PEBP4: variants seen among roughly 807,000 people sequenced by gnomAD.
The protein encoded by PEBP4 is phosphatidylethanolamine binding protein 4.
In PEBP4, 22 loss-of-function variants were observed where a neutral mutation model predicts 23.9. The ratio of observed to expected loss-of-function variants is 0.92; its 90% CI spans 0.66 to 1.31. The LOEUF is 1.31. Ranked by LOEUF, PEBP4 falls within the 40% of genes most tolerant of loss-of-function variation. PEBP4 has a pLI of 0.00. For synonymous variants in PEBP4, 112 were observed against 99.3 expected (o/e 1.13, Z -0.76); for missense variants, 324 against 281.7 (o/e 1.15, Z -1.07).
At chr8:22,846,978 G>A (rs375065609) in intron 3 of PEBP4, among the ~76,000 whole-genome samples, 20 of 152,156 alleles carry the variant, frequency 1.3e-4, no homozygotes, top group African/African-American at 4.6e-4. Context: ...CCTGGGCAAC[G>A]CAGGGAGACC....
At chr8:22,774,382 A>G (rs1443269361) in intron 4 of PEBP4, among the ~76,000 whole-genome samples, 1 of 152,226 alleles carries the variant, frequency 6.6e-6, no homozygotes, top group Non-Finnish European at 1.5e-5. Context: ...GTTTAACCCA[A>G]AGAAATGAGT....
At chr8:22,791,571 C>T (rs1026053476) in intron 4 of PEBP4, among the ~76,000 whole-genome samples, 13 of 151,828 alleles carry the variant, frequency 8.6e-5, no homozygotes, top group East Asian at 1.9e-4. Flanking sequence ...CTTGTGTGTG[C>T]GCGCACACGC....
At position 22,819,808 on chromosome 8, in the gene PEBP4, G is replaced by A. The variant is rs534537256; in HGVS notation, c.259-2073C>T. Reference sequence around the variant, plus strand: ...TTTTTAGTAGAGACGGGGTTTCACCGTGTTAGCCAGGATGGTCTCGATCTC... The same window carrying A: ...TTTTTAGTAGAGACGGGGTTTCACCATGTTAGCCAGGATGGTCTCGATCTC... On this transcript the variant is annotated intron_variant, in intron 3 of 6. Coordinates refer to ENST00000256404, the MANE Select transcript of PEBP4 (RefSeq NM_144962.3). Among the ~76,000 whole-genome samples the A allele has an allele frequency of 5.3e-5, 8 of 152,098 alleles. No homozygotes were observed. In the South Asian group the frequency reaches 1.0e-3, roughly 20 times the overall value.
At chr8:22,729,887 A>G (rs1402095409) in intron 4 of PEBP4, among the ~76,000 whole-genome samples, 1 of 152,170 alleles carries the variant, frequency 6.6e-6, no homozygotes, top group Non-Finnish European at 1.5e-5. Context: ...ACCTTTCCTC[A>G]TTGGTCAGTC....
chr8:22,761,917 C>G (rs1805515313), intron 4 of PEBP4, among the ~76,000 whole-genome samples: 1 of 152,036 alleles, frequency 6.6e-6, no homozygotes, highest in Non-Finnish European at 1.5e-5. Context: ...TAGTTTTAAG[C>G]TGGATGCATT....
intron 3 of PEBP4, among the ~76,000 whole-genome samples, chr8:22,862,766 G>A (rs1807804533): frequency 6.6e-6 from 1 of 151,594 alleles, no homozygotes; most frequent in South Asian, 2.1e-4. Context: ...AGGTACTGAG[G>A]TGTGAGCCCA....
chr8:22,785,878 C>G (rs572455756), intron 4 of PEBP4, among the ~76,000 whole-genome samples: 1 of 152,340 alleles, frequency 6.6e-6, no homozygotes, highest in Admixed American at 6.5e-5. Context: ...CGGGGCTACT[C>G]TAAAGAATGC....
chr8:22,849,523 A>AT (rs2128766994), intron 3 of PEBP4, among the ~76,000 whole-genome samples: 1 of 151,744 alleles, frequency 6.6e-6, no homozygotes, highest in South Asian at 2.1e-4. Context: ...TTTGCTAATG[A>AT]TAACACACCA....
chr8:22,822,870 A>G (rs772980082), intron 3 of PEBP4, among the ~76,000 whole-genome samples: 1 of 152,058 alleles, frequency 6.6e-6, no homozygotes, highest in Non-Finnish European at 1.5e-5. Flanking sequence ...ATGTCAATAA[A>G]CCTTCAATTA....
chr8:22,766,544 G>A (rs1480630187), intron 4 of PEBP4, among the ~76,000 whole-genome samples: 1 of 152,226 alleles, frequency 6.6e-6, no homozygotes, highest in African/African-American at 2.4e-5. Flanking sequence ...TTCAGGGACA[G>A]GAACACCTGT....
chr8:22,748,212 G>C (rs1327807055), intron 4 of PEBP4, among the ~76,000 whole-genome samples: 1 of 152,130 alleles, frequency 6.6e-6, no homozygotes, highest in Non-Finnish European at 1.5e-5. Context: ...CCAAGAGGGG[G>C]CTGCGCTCAG....
intron 6 of PEBP4, among the ~76,000 whole-genome samples, chr8:22,723,626 T>C (rs1227171057): frequency 6.6e-6 from 1 of 152,242 alleles, no homozygotes; most frequent in Non-Finnish European, 1.5e-5. Context: ...TTTCTTGGTC[T>C]GGGCAAGATA....
intron 3 of PEBP4, among the ~76,000 whole-genome samples, chr8:22,826,442 T>C (rs1806970168): frequency 6.6e-6 from 1 of 152,258 alleles, no homozygotes; most frequent in South Asian, 2.1e-4. Flanking sequence ...ATGACTTGTA[T>C]ATAAGGTTAT....
At chr8:22,905,284 T>TAA (rs566107670) in intron 3 of PEBP4, among the ~76,000 whole-genome samples, 23 of 147,964 alleles carry the variant, frequency 1.6e-4, no homozygotes, top group East Asian at 7.8e-4. Flanking sequence ...CCTTTTTTTT[T>TAA]AAAAAAAAAA....
At chr8:22,785,283 T>C (rs1031531506) in intron 4 of PEBP4, among the ~76,000 whole-genome samples, 4 of 152,164 alleles carry the variant, frequency 2.6e-5, no homozygotes, top group Non-Finnish European at 4.4e-5. Context: ...CAACCAAGGA[T>C]ACTAGAACCG....
chr8:22,830,941 C>T (rs1807072833), intron 3 of PEBP4, among the ~76,000 whole-genome samples: 1 of 152,212 alleles, frequency 6.6e-6, no homozygotes, highest in Non-Finnish European at 1.5e-5. Context: ...TGCTTAAAAT[C>T]CTTCTCTGGC....
intron 3 of PEBP4, among the ~76,000 whole-genome samples, chr8:22,872,569 G>A (rs2457436): frequency 0.24 from 35,857 of 152,186 alleles, 4,972 homozygotes; most frequent in Middle Eastern, 0.37. Context: ...TGAAGAGGCA[G>A]AAAAGTGATC....
intron 4 of PEBP4, among the ~76,000 whole-genome samples, chr8:22,816,523 T>C (rs776734023): frequency 4.5e-4 from 69 of 152,228 alleles, no homozygotes; most frequent in Admixed American, 1.8e-3. Flanking sequence ...CATAAACTCT[T>C]CATAGTTGCA....
chr8:22,903,546 G>A (rs188046916), intron 3 of PEBP4, among the ~76,000 whole-genome samples: 1 of 152,304 alleles, frequency 6.6e-6, no homozygotes, highest in East Asian at 1.9e-4. Flanking sequence ...AGGGGAGGGA[G>A]TGCGTGAAGG....
Sources: allele counts gnomAD v4.1 joint callset (sites outside exome capture counted in the v4.1 genomes callset), GRCh38; gene constraint gnomAD v4.1.1; transcripts MANE v1.5; gene names NCBI Gene and HGNC (gene_info 2026-07-23, HGNC 2026-07-21).